PLEKHG4B: variants seen among roughly 807,000 people sequenced by gnomAD.
PLEKHG4B encodes the protein pleckstrin homology domain-containing family G member 4B.
A neutral mutation model predicts 121.3 loss-of-function variants in PLEKHG4B; 111 were observed. That is an observed-to-expected ratio of 0.92 (90% CI 0.78 to 1.07). The LOEUF is 1.07. Among genes scored for constraint, PLEKHG4B ranks in the 50% least tolerant of loss-of-function variants. The pLI is 0.00. For missense variants in PLEKHG4B, 1,831 were observed against 1,757.8 expected, an observed-to-expected ratio of 1.04 and a Z score of -0.74; for synonymous variants, 738 against 725.0, an observed-to-expected ratio of 1.02 and a Z score of -0.29.
At chr5:112,247 A>G (rs971342314) in intron 1 of PLEKHG4B, among the ~76,000 whole-genome samples, 9 of 152,174 alleles carry the variant, frequency 5.9e-5, no homozygotes, top group African/African-American at 1.9e-4. Context: ...CGCAGTTTCC[A>G]GAAGCTGAGC....
chr5:117,334 C>A (rs781342490), intron 2 of PLEKHG4B, among the ~76,000 whole-genome samples: 36 of 151,812 alleles, frequency 2.4e-4, no homozygotes, highest in Non-Finnish European at 4.6e-4. Context: ...TTCATTTATC[C>A]ACTGTTGTCA....
intron 2 of PLEKHG4B, among the ~76,000 whole-genome samples, chr5:122,308 T>C (rs1009538506): frequency 6.6e-6 from 1 of 152,174 alleles, no homozygotes; most frequent in Non-Finnish European, 1.5e-5. Context: ...TTATTTTAAA[T>C]GTAAACCAAA....
chr5:114,284 G>A (rs1460733359), intron 2 of PLEKHG4B, among the ~76,000 whole-genome samples: 1 of 152,080 alleles, frequency 6.6e-6, no homozygotes, highest in South Asian at 2.1e-4. Flanking sequence ...CGATTACTCC[G>A]ACAGGCAATA....
In PLEKHG4B at chr5:153,169, C is replaced by T. The variant is rs1317961333; in HGVS notation, c.1992+1570C>T. Among the ~76,000 whole-genome samples the T allele has an allele frequency of 2.0e-5, 3 of 152,050 alleles. No individual in the cohort carries two copies. In the East Asian group the frequency reaches 5.8e-4, roughly 29 times the overall value. On this transcript the variant is annotated intron_variant, in intron 7 of 19. Transcript: ENST00000637938. ...TTTTCTACATCTCTCCTGAGTTTTC[C>T]TCTCCTTTCATAAATTGCAAGCATT...
At chr5:110,434 C>T (rs111162221) in intron 1 of PLEKHG4B, among the ~76,000 whole-genome samples, 2,385 of 112,722 alleles carry the variant, frequency 0.021, no homozygotes, top group African/African-American at 0.059. Flanking sequence ...CACACGTGCA[C>T]ACACCCACAC....
Position 113,505 on chromosome 5 carries a change from T to C in PLEKHG4B, c.243+57T>C. Reference sequence around the variant, plus strand: ...GGCCAACCTGGAGGAACCTGCCCTTTCCCTGGGCAGGGCAGGAATTGGGCC... The same window carrying C: ...GGCCAACCTGGAGGAACCTGCCCTTCCCCTGGGCAGGGCAGGAATTGGGCC... On this transcript the variant is annotated intron_variant, in intron 2 of 19. Transcript: ENST00000637938. This position sits in a 1 kb window ranked among gnomAD's most constrained non-coding sequence, Gnocchi z 5.2. 2.5e-6 allele frequency: 1 copy of C among 398,944 alleles called. No homozygotes were observed. The highest frequency in any genetic ancestry group is 4.4e-5 in the Admixed American group (1 of 22,738). 24.7% of individuals were successfully genotyped at this position (398,944 alleles called of 1,614,324 possible). A position where few individuals can be genotyped will look rare whatever the true frequency, so the allele number is the denominator to read the frequency against.
Position 121,586 on chromosome 5 carries a change from A to G in PLEKHG4B, c.243+8138A>G, listed in dbSNP as rs1258498956. On this transcript the variant is annotated intron_variant, in intron 2 of 19. Coordinates refer to ENST00000637938, the MANE Select transcript of PLEKHG4B (RefSeq NM_052909.5). The stretch of plus-strand genomic sequence containing the variant: ...TTTAAAACCGGAAACACCTGAATCC[A>G]GGAAGCTCGTCATCACCTGACAGAG... Among the ~76,000 whole-genome samples the G allele has an allele frequency of 3.3e-5, 5 of 152,320 alleles. No homozygotes were observed. The South Asian group carries it at 8.3e-4, about 25-fold the overall frequency.
chr5:152,361 C>T (rs996639259), intron 7 of PLEKHG4B, among the ~76,000 whole-genome samples: 8 of 150,832 alleles, frequency 5.3e-5, no homozygotes, highest in Admixed American at 5.3e-4. Flanking sequence ...AAGGTGTGCA[C>T]CCCCATGCCA....
intron 1 of PLEKHG4B, among the ~76,000 whole-genome samples, chr5:96,146 T>A (rs1279329402): frequency 1.3e-5 from 2 of 152,226 alleles, no homozygotes; most frequent in Non-Finnish European, 2.9e-5. Context: ...GTGCACACAC[T>A]GGCCCAGGTC....
At chr5:155,750 AG>A (rs1455758971) in intron 9 of PLEKHG4B, among the ~76,000 whole-genome samples, 1 of 152,312 alleles carries the variant, frequency 6.6e-6, no homozygotes, top group Non-Finnish European at 1.5e-5. Context: ...AACTGGCCAC[AG>A]GGCTCTTGAC....
chr5:108,068 G>A (rs983661518), intron 1 of PLEKHG4B, among the ~76,000 whole-genome samples: 5 of 152,216 alleles, frequency 3.3e-5, no homozygotes, highest in Admixed American at 6.5e-5. Flanking sequence ...CTGCCACCAG[G>A]TCCTGCGTCT....
rs527254738 is a variant in PLEKHG4B at position 182,438 on chromosome 5, G to C, written c.*115G>C. On this transcript the variant is annotated 3_prime_UTR_variant, in exon 20 of 20. Coordinates refer to ENST00000637938, the MANE Select transcript of PLEKHG4B (RefSeq NM_052909.5). ...CCCATCGCGTGGCTGGAACGATCCA[G>C]AGGGAATAGCACAGCAGGTGTCCAG... 13 of 1,027,882 alleles carry C rather than the reference G, an allele frequency of 1.3e-5. No individual in the cohort carries two copies. Among genetic ancestry groups the C allele is most frequent in the Non-Finnish European group, 1.4e-6 (1 of 713,430 alleles). 63.7% of individuals were successfully genotyped at this position (1,027,882 alleles called of 1,614,324 possible).
intron 13 of PLEKHG4B, among the ~76,000 whole-genome samples, chr5:164,204 G>A (rs1042810388): frequency 4.6e-5 from 7 of 152,282 alleles, no homozygotes; most frequent in African/African-American, 1.7e-4. Context: ...AGGATTCATG[G>A]AAGACAATTT....
chr5:164,306 C>G (rs906084199), intron 13 of PLEKHG4B, among the ~76,000 whole-genome samples: 5 of 152,220 alleles, frequency 3.3e-5, no homozygotes, highest in African/African-American at 4.8e-5. Flanking sequence ...ATAAGGAGCA[C>G]GAAACCTAGA....
Position 139,032 on chromosome 5 carries a change from C to T in PLEKHG4B, c.244-451C>T, listed in dbSNP as rs1394658265. Among the ~76,000 whole-genome samples, 6 of 152,344 alleles carry T rather than the reference C, an allele frequency of 3.9e-5. No individual in the cohort carries two copies. In the East Asian group the frequency reaches 5.8e-4, roughly 15 times the overall value. ...AGGCCGAGGTAGCGCCTGCAGCAGC[C>T]GGGAGCCACAGGGAGCACCGGGAGT... On this transcript the variant is annotated intron_variant, in intron 2 of 19. Transcript: ENST00000637938. The surrounding 1 kb of genome is among the most constrained non-coding windows in gnomAD (Gnocchi z 5.0).
chr5:171,723 A>G (rs542793282), intron 16 of PLEKHG4B, among the ~76,000 whole-genome samples: 2 of 152,130 alleles, frequency 1.3e-5, no homozygotes, highest in African/African-American at 4.8e-5. Flanking sequence ...TCTACAGGAC[A>G]TGCAAAGCAG....
intron 2 of PLEKHG4B, among the ~76,000 whole-genome samples, chr5:138,169 C>A (rs1735040664): frequency 6.6e-6 from 1 of 152,244 alleles, no homozygotes; most frequent in African/African-American, 2.4e-5. Context: ...CAGCTAATTG[C>A]TTCCCTCTGA....
chr5:137,289 C>T lies in PLEKHG4B; in HGVS notation c.244-2194C>T, dbSNP rs1248331207. ...ATGGTGAGCTGGTGTTTAATGGGTT[C>T]ACCGTTTCAGTTTGGGAAGATGGAA... On this transcript the variant is annotated intron_variant, in intron 2 of 19. Coordinates refer to ENST00000637938, the MANE Select transcript of PLEKHG4B (RefSeq NM_052909.5). The surrounding 1 kb of genome is among the most constrained non-coding windows in gnomAD (Gnocchi z 4.2). 6.6e-6 allele frequency among the ~76,000 whole-genome samples: 1 copy of T among 152,098 alleles called. No individual in the cohort carries two copies. The highest frequency in any genetic ancestry group is 1.5e-5 in the Non-Finnish European group (1 of 68,004).
intron 1 of PLEKHG4B, among the ~76,000 whole-genome samples, chr5:98,581 T>G (rs1201750501): frequency 6.7e-6 from 1 of 149,698 alleles, no homozygotes; most frequent in Non-Finnish European, 1.5e-5. Flanking sequence ...ACTACAGGCA[T>G]GTGCCACCAT....
Sources: allele counts gnomAD v4.1 joint callset (sites outside exome capture counted in the v4.1 genomes callset), GRCh38; gene constraint gnomAD v4.1.1; non-coding constraint Gnocchi (gnomAD v3.1); transcripts MANE v1.5; gene names NCBI Gene and HGNC (gene_info 2026-07-23, HGNC 2026-07-21).